LAX1: variants seen among roughly 807,000 people sequenced by gnomAD.
LAX1 encodes the protein lymphocyte transmembrane adapter 1.
LAX1 carries 17 observed loss-of-function variants against 20.7 expected under a neutral mutation model. The ratio of observed to expected loss-of-function variants is 0.82; its 90% CI spans 0.56 to 1.23. The LOEUF (loss-of-function observed/expected upper bound fraction) is 1.23. Ranked by LOEUF, LAX1 falls within the 50% of genes most tolerant of loss-of-function variation. The pLI is 0.00. For synonymous variants in LAX1, 165 were observed against 181.0 expected, an observed-to-expected ratio of 0.91 and a Z score of 0.71; for missense variants, 470 against 487.0, an observed-to-expected ratio of 0.97 and a Z score of 0.33.
At chr1:203,773,635 C>T (rs184892726) in intron 4 of LAX1, among the ~76,000 whole-genome samples, 110 of 151,708 alleles carry the variant, frequency 7.3e-4, no homozygotes, top group Middle Eastern at 3.4e-3. Context: ...GTTGTACTGC[C>T]TCTCAGTGGG....
In LAX1 at chr1:203,774,665, T is replaced by A; in HGVS notation, c.1181T>A (p.Leu394His). 6.2e-7 allele frequency: 1 copy of A among 1,613,718 alleles called. No individual in the cohort carries two copies. The highest frequency in any genetic ancestry group is 8.5e-7 in the Non-Finnish European group (1 of 1,179,818). The stretch of plus-strand genomic sequence containing the variant: ...TCTGAGCAGGGGCCTGGCACTCAGC[T>A]CCTTCCTGATGAATGAAGACCCAGG... ...RDSEQGPGTQLLPDE is the reference protein window; with the variant it reads ...RDSEQGPGTQHLPDE Residue 394 changes from leucine (L) to histidine (H), a missense_variant, in exon 5 of 5, where the codon CTC becomes CAC. Leu to His is a moderately conservative substitution (Grantham distance 99). Coordinates refer to ENST00000442561, the MANE Select transcript of LAX1 (RefSeq NM_017773.4).
intron 4 of LAX1, among the ~76,000 whole-genome samples, chr1:203,773,658 T>C (rs887626489): frequency 2.6e-5 from 4 of 151,276 alleles, no homozygotes; most frequent in African/African-American, 9.7e-5. Flanking sequence ...CTTCAGTTGA[T>C]AATATTTTCG....
chr1:203,767,396 C>T (rs1056574080), intron 1 of LAX1, among the ~76,000 whole-genome samples: 1 of 148,014 alleles, frequency 6.8e-6, no homozygotes, highest in Admixed American at 7.0e-5. Context: ...CAACCTCCAC[C>T]TCCCAGGTTC....
chr1:203,771,063 C>T, intron 2 of LAX1, 126 bp downstream of exon 2: 2 of 757,322 alleles, frequency 2.6e-6, no homozygotes, highest in African/African-American at 1.7e-5. Context: ...TTACCCGATA[C>T]ATTGGCCATT....
chr1:203,773,870 C>A lies in LAX1; in HGVS notation c.391-5C>A, dbSNP rs773310747. On this transcript the variant is annotated splice_polypyrimidine_tract_variant and splice_region_variant and intron_variant, in intron 4 of 4. Transcript: ENST00000442561. ...TGACCACTGGCTTCCTTTTCTTCTT[C>A]ATAGCCCTCCCAAGCAGGCAATGCC... 6.8e-7 allele frequency: 1 copy of A among 1,480,286 alleles called. No homozygotes were observed. The highest frequency in any genetic ancestry group is 9.1e-7 in the Non-Finnish European group (1 of 1,097,572). 91.7% of individuals were successfully genotyped at this position (1,480,286 alleles called of 1,614,324 possible).
chr1:203,771,760 A>T (rs1235613670), intron 3 of LAX1, among the ~76,000 whole-genome samples: 1 of 152,160 alleles, frequency 6.6e-6, no homozygotes, highest in Non-Finnish European at 1.5e-5. Context: ...GGAAGACACC[A>T]AGGAAGAGAA....
At chr1:203,769,455 A>AAGAAAGAAAGGAAGAAAGG (rs1191127943) in intron 1 of LAX1, among the ~76,000 whole-genome samples, 59 of 66,464 alleles carry the variant, frequency 8.9e-4, no homozygotes, top group African/African-American at 2.6e-3. Context: ...GAAAGAAAGA[A>AAGAAAGAAAGGAAGAAAGG]AAGAAAAGAA....
At chr1:203,773,657 A>G (rs1447181302) in intron 4 of LAX1, among the ~76,000 whole-genome samples, 1 of 150,004 alleles carries the variant, frequency 6.7e-6, no homozygotes, top group East Asian at 2.0e-4. Flanking sequence ...TCTTCAGTTG[A>G]TAATATTTTC....
intron 1 of LAX1, among the ~76,000 whole-genome samples, chr1:203,770,498 G>GA (rs1667395817): frequency 6.6e-4 from 23 of 35,072 alleles, no homozygotes; most frequent in Middle Eastern, 0.024. Context: ...AGGAAGGAAG[G>GA]AAGGAAGGAA....
At chr1:203,770,515 A>G (rs1280364533) in intron 1 of LAX1, among the ~76,000 whole-genome samples, 39 of 118,682 alleles carry the variant, frequency 3.3e-4, no homozygotes, top group South Asian at 1.3e-3. Context: ...GGAAGGAAGA[A>G]AGAAAGAAAG....
At chr1:203,769,444 G>GAAA (rs1553254225) in intron 1 of LAX1, among the ~76,000 whole-genome samples, 5,426 of 133,300 alleles carry the variant, frequency 0.041, 264 homozygotes, top group East Asian at 0.14. Context: ...AAAGAAAGAA[G>GAAA]GAAAGAAAGA....
rs1667290608 is a variant in LAX1 at position 203,765,546 on chromosome 1, T to C, written c.-20T>C. 2 of 1,614,062 alleles carry C rather than the reference T, an allele frequency of 1.2e-6. No individual in the cohort carries two copies. Among genetic ancestry groups the C allele is most frequent in the African/African-American group, 2.7e-5 (2 of 75,032 alleles). On this transcript the variant is annotated 5_prime_UTR_variant, in exon 1 of 5. Transcript: ENST00000442561. ...ACTTAGAAGCTGAAGCCAGAGAGCA[T>C]CTCAAAGGTTCCTGATACAATGGAT...
chr1:203,765,513 T>C lies in LAX1; in HGVS notation c.-53T>C, dbSNP rs1324971399. The C allele has an allele frequency of 1.9e-6, 3 of 1,610,456 alleles. No homozygotes were observed. The African/African-American group carries it at 4.0e-5, about 21-fold the overall frequency. ...GACATGCTGGCTAACTGATTATGAT[T>C]AAGAGAAACTTAGAAGCTGAAGCCA... On this transcript the variant is annotated 5_prime_UTR_variant, in exon 1 of 5. Transcript: ENST00000442561.
At chr1:203,769,444 G>GAAAGAAAGAAAGAAAGAAAGAAAGGAA in intron 1 of LAX1, among the ~76,000 whole-genome samples, 1 of 133,590 alleles carries the variant, frequency 7.5e-6, no homozygotes, top group Non-Finnish European at 1.6e-5. Flanking sequence ...AAAGAAAGAA[G>GAAAGAAAGAAAGAAAGAAAGAAAGGAA]GAAAGAAAGA....
chr1:203,772,506 C>A (rs6703246), intron 4 of LAX1, among the ~76,000 whole-genome samples: 1 of 151,926 alleles, frequency 6.6e-6, no homozygotes, highest in South Asian at 2.1e-4. Flanking sequence ...CGGCTCACTG[C>A]AACTTCTGCT....
intron 4 of LAX1, among the ~76,000 whole-genome samples, chr1:203,772,673 G>A (rs375109062): frequency 5.2e-4 from 79 of 151,834 alleles, no homozygotes; most frequent in African/African-American, 1.7e-3. Context: ...TCATCCACCC[G>A]CCTTGGCCTC....
rs1667476737 is a variant in LAX1, at chr1:203,774,455, A to G, written c.971A>G (p.Lys324Arg). Residue 324 changes from lysine to arginine, a missense_variant, in exon 5 of 5, where the codon AAG becomes AGG. Physicochemically the swap from Lys to Arg is conservative, Grantham distance 26. Coordinates refer to ENST00000442561, the MANE Select transcript of LAX1 (RefSeq NM_017773.4). ...TCAAACATAGGTCATGTCGAGGACAAGACAGATGATCCCGGGACCCATGTC... is the reference window on the plus strand; with the variant it reads ...TCAAACATAGGTCATGTCGAGGACAGGACAGATGATCCCGGGACCCATGTC... Reference protein sequence around the residue: ...PSSNIGHVEDKTDDPGTHVQC... With the variant: ...PSSNIGHVEDRTDDPGTHVQC... 5.0e-6 allele frequency: 8 copies of G among 1,614,252 alleles called. No individual in the cohort carries two copies. Among genetic ancestry groups the G allele is most frequent in the East Asian group, 2.2e-5 (1 of 44,888 alleles).
At chr1:203,770,474 G>A (rs867956281) in intron 1 of LAX1, among the ~76,000 whole-genome samples, 1,677 of 23,874 alleles carry the variant, frequency 0.07, 298 homozygotes, top group South Asian at 0.12. Flanking sequence ...AGGAAGGAAG[G>A]AAGGAAGGAA....
intron 1 of LAX1, among the ~76,000 whole-genome samples, chr1:203,766,215 A>G (rs7540550): frequency 0.18 from 26,628 of 152,090 alleles, 2,400 homozygotes; most frequent in South Asian, 0.27. Flanking sequence ...GGTGGCTCAC[A>G]CCTGTAACCC....
Sources: gnomAD v4.1 joint callset for allele counts (sites outside exome capture counted in the v4.1 genomes callset) on GRCh38, gnomAD v4.1.1 for gene constraint, MANE v1.5 for transcripts, NCBI Gene and HGNC (gene_info 2026-07-23, HGNC 2026-07-21) for gene names.